Variants in SRPK2 observed in about 807,000 individuals in gnomAD.
The protein encoded by SRPK2 is SRSF protein kinase 2.
Under a neutral mutation model 90.8 loss-of-function variants are expected in SRPK2, and 21 were observed. That is an observed-to-expected ratio of 0.23 (90% CI 0.16 to 0.33). The LOEUF (loss-of-function observed/expected upper bound fraction) is 0.33, where lower values mean the gene tolerates loss of function less well. SRPK2 is among the 10% of genes least tolerant of loss of function. The pLI is 1.00. For missense variants in SRPK2, 620 were observed against 869.0 expected, an observed-to-expected ratio of 0.71 and a Z score of 3.60; for synonymous variants, 288 against 311.1, an observed-to-expected ratio of 0.93 and a Z score of 0.78.
rs1799753244 is a variant in SRPK2, at chr7:105,233,376, A to C, written c.72-29591T>G. 2.0e-5 allele frequency among the ~76,000 whole-genome samples: 3 copies of C among 152,208 alleles called. No individual in the cohort carries two copies. The South Asian group carries it at 6.2e-4, about 31-fold the overall frequency. ...AGCCTTGTTGACCTTAGTAACAGCCAAGGGTACTGGCAAACAAGAACCCAG... is the reference window on the plus strand; with the variant it reads ...AGCCTTGTTGACCTTAGTAACAGCCCAGGGTACTGGCAAACAAGAACCCAG... On this transcript the variant is annotated intron_variant, in intron 2 of 15. Transcript: ENST00000393651.
chr7:105,370,423 C>T (rs1037699513), intron 2 of SRPK2, among the ~76,000 whole-genome samples: 30 of 151,900 alleles, frequency 2.0e-4, no homozygotes, highest in African/African-American at 7.3e-4. Flanking sequence ...TACAACATAC[C>T]CAAGTTTAAT....
At chr7:105,372,225 T>A (rs1354859295) in intron 2 of SRPK2, among the ~76,000 whole-genome samples, 4 of 151,740 alleles carry the variant, frequency 2.6e-5, no homozygotes, top group African/African-American at 9.7e-5. Flanking sequence ...TCATTGCTGT[T>A]GCAAATCTGA....
intron 2 of SRPK2, among the ~76,000 whole-genome samples, chr7:105,223,617 T>C (rs942060426): frequency 2.0e-5 from 3 of 152,256 alleles, no homozygotes; most frequent in South Asian, 4.1e-4. Context: ...GTTCCTCTTG[T>C]ATTTTAATTA....
At chr7:105,234,314 C>T (rs888047882) in intron 2 of SRPK2, among the ~76,000 whole-genome samples, 2 of 152,104 alleles carry the variant, frequency 1.3e-5, no homozygotes, top group African/African-American at 4.8e-5. Flanking sequence ...AATATATTAA[C>T]CAGTAAATAA....
At chr7:105,179,824 C>CAG (rs1491128040) in intron 3 of SRPK2, among the ~76,000 whole-genome samples, 4 of 60,274 alleles carry the variant, frequency 6.6e-5, no homozygotes, top group South Asian at 1.8e-3. Context: ...GAGTCCATCT[C>CAG]AAAAAAAAAA....
At chr7:105,323,684 T>C (rs112351589) in intron 2 of SRPK2, among the ~76,000 whole-genome samples, 14 of 152,202 alleles carry the variant, frequency 9.2e-5, no homozygotes, top group Non-Finnish European at 2.1e-4. Context: ...AAAGGAATAG[T>C]GTTTCTTGCC....
At chr7:105,204,786 C>T (rs1795989853) in intron 2 of SRPK2, 1 of 529,718 alleles carries the variant, frequency 1.9e-6, no homozygotes, top group Admixed American at 2.3e-5. Flanking sequence ...ACACCATGCA[C>T]CTGCTGTCAC....
At chr7:105,297,572 T>G (rs750975723) in intron 2 of SRPK2, 5 of 854,486 alleles carry the variant, frequency 5.9e-6, no homozygotes, top group Non-Finnish European at 7.0e-6. Context: ...ATTTTAGACA[T>G]ACAGAAGGTC....
intron 3 of SRPK2, among the ~76,000 whole-genome samples, chr7:105,200,328 A>C (rs946240282): frequency 3.9e-5 from 6 of 152,108 alleles, no homozygotes; most frequent in Non-Finnish European, 7.4e-5. Context: ...TAAACGATCA[A>C]AGAACGATTG....
chr7:105,125,850 A>C (rs1343996118), intron 15 of SRPK2: 13 of 1,300,954 alleles, frequency 1.0e-5, no homozygotes. Flanking sequence ...TTTCCCCAGC[A>C]GTTCAATGAT....
intron 2 of SRPK2, among the ~76,000 whole-genome samples, chr7:105,280,971 A>C (rs1214112296): frequency 4.2e-5 from 6 of 141,474 alleles, no homozygotes; most frequent in African/African-American, 1.5e-4. Context: ...AAAAAAAAAA[A>C]AAAAAAAAAA....
At chr7:105,309,478 A>T (rs1254393018) in intron 2 of SRPK2, among the ~76,000 whole-genome samples, 1 of 152,248 alleles carries the variant, frequency 6.6e-6, no homozygotes, top group Non-Finnish European at 1.5e-5. Context: ...GTGTATCTAC[A>T]CATACACATG....
At chr7:105,174,669 A>G (rs1791605149) in intron 3 of SRPK2, among the ~76,000 whole-genome samples, 1 of 152,208 alleles carries the variant, frequency 6.6e-6, no homozygotes. Flanking sequence ...CCCAAAACTG[A>G]TAAAAGCAAG....
intron 2 of SRPK2, among the ~76,000 whole-genome samples, chr7:105,383,117 T>A (rs1318355992): frequency 5.4e-5 from 7 of 129,314 alleles, no homozygotes; most frequent in African/African-American, 2.1e-4. Context: ...CAGGCTGGAG[T>A]GCAGTGGCAC....
At chr7:105,167,900 C>T (rs991152587) in intron 5 of SRPK2, 108 bp downstream of exon 5, 13 of 926,122 alleles carry the variant, frequency 1.4e-5, no homozygotes, top group South Asian at 5.2e-5. Flanking sequence ...CATGAGCCAC[C>T]GTGCCCAGCC....
chr7:105,383,021 C>G (rs1022433285), intron 2 of SRPK2, among the ~76,000 whole-genome samples: 1 of 118,572 alleles, frequency 8.4e-6, no homozygotes, highest in African/African-American at 3.3e-5. Flanking sequence ...TTTGCAAGGT[C>G]TTGTGAGTCT....
chr7:105,350,205 A>T (rs1229101028), intron 2 of SRPK2, among the ~76,000 whole-genome samples: 2 of 142,436 alleles, frequency 1.4e-5, no homozygotes, highest in Non-Finnish European at 3.1e-5. Flanking sequence ...ATCTCAGCTC[A>T]CTGCAACCTC....
At position 105,118,661 on chromosome 7, in the gene SRPK2, C is replaced by A. The variant is rs1647168949; in HGVS notation, c.1916-639G>T. Among the ~76,000 whole-genome samples, 10 of 152,238 alleles carry A rather than the reference C, an allele frequency of 6.6e-5. No homozygotes were observed. In the South Asian group the frequency reaches 2.1e-3, roughly 32 times the overall value. On this transcript the variant is annotated intron_variant, in intron 15 of 15. Transcript: ENST00000393651. ...GGCTGAGGGCAGTGGCTCACTCCTG[C>A]AATCCTAGCCGTTTGGGAGGCTGAG...
chr7:105,167,078 T>C (rs1016744094), intron 6 of SRPK2, among the ~76,000 whole-genome samples: 6 of 151,910 alleles, frequency 3.9e-5, no homozygotes, highest in African/African-American at 1.4e-4. Context: ...TGATGTATGC[T>C]TTTATCTACC....
Sources: allele counts gnomAD v4.1 joint callset (sites outside exome capture counted in the v4.1 genomes callset), GRCh38; gene constraint gnomAD v4.1.1; transcripts MANE v1.5; gene names NCBI Gene and HGNC (gene_info 2026-07-23, HGNC 2026-07-21).